B4GALT4: variants seen among roughly 807,000 people sequenced by gnomAD.
The protein encoded by B4GALT4 is N-acetyllactosamine synthase.
Under a neutral mutation model 37.3 loss-of-function variants are expected in B4GALT4, and 27 were observed. The observed-to-expected ratio is 0.72, with a 90% confidence interval of 0.53 to 1.00. B4GALT4 has a LOEUF of 1.00. B4GALT4 is among the 50% of genes least tolerant of loss of function. The pLI is 0.00. For missense variants in B4GALT4, 372 were observed against 413.1 expected, an observed-to-expected ratio of 0.90 and a Z score of 0.86; for synonymous variants, 148 against 154.1, an observed-to-expected ratio of 0.96 and a Z score of 0.29.
Position 119,212,694 on chromosome 3 carries a change from A to G in B4GALT4, c.903-13T>C, listed in dbSNP as rs72655937. 32,442 of 1,577,382 alleles carry G rather than the reference A, an allele frequency of 0.021. 378 individuals are homozygous for G. Among genetic ancestry groups the G allele is most frequent in the Non-Finnish European group, 0.023 (27,317 of 1,167,208 alleles). ...TAAGAGCTTCATCCTAAAGATAAAA[A>G]GAACAAATGTGAATGATAAGAATTT... On this transcript the variant is annotated splice_polypyrimidine_tract_variant and intron_variant, in intron 7 of 7. Coordinates refer to ENST00000393765, the MANE Select transcript of B4GALT4 (RefSeq NM_003778.4).
At chr3:119,227,265 A>G (rs2078651580) in intron 3 of B4GALT4, among the ~76,000 whole-genome samples, 1 of 152,214 alleles carries the variant, frequency 6.6e-6, no homozygotes, top group South Asian at 2.1e-4. Flanking sequence ...GATATATAAT[A>G]TAAGCATTTC....
At chr3:119,213,851 CAT>C (rs1408226252) in intron 7 of B4GALT4, 2 of 152,054 alleles carry the variant, frequency 1.3e-5, no homozygotes, top group South Asian at 2.1e-4. Context: ...ACTAGAAAAA[CAT>C]AGAAAATAGA....
At position 119,219,168 on chromosome 3, in the gene B4GALT4, C is replaced by T. The variant is rs372868128; in HGVS notation, c.675-396G>A. On this transcript the variant is annotated intron_variant, in intron 5 of 7. Transcript: ENST00000393765. ...TCTGAGGCTGCATCCGGGTTCAGCACGAATGCGTGTCATGATGAATATACC... is the reference window on the plus strand; with the variant it reads ...TCTGAGGCTGCATCCGGGTTCAGCATGAATGCGTGTCATGATGAATATACC... 4.6e-5 allele frequency among the ~76,000 whole-genome samples: 7 copies of T among 152,286 alleles called. No homozygotes were observed. In the East Asian group the frequency reaches 7.7e-4, roughly 17 times the overall value.
At chr3:119,212,923 G>GCCC (rs1161249256) in intron 7 of B4GALT4, 5 of 433,882 alleles carry the variant, frequency 1.2e-5, no homozygotes, top group Non-Finnish European at 2.0e-5. Flanking sequence ...CACTCAGTGA[G>GCCC]CCCCCAGTCT....
intron 2 of B4GALT4, among the ~76,000 whole-genome samples, chr3:119,232,173 G>A (rs2078844855): frequency 6.6e-6 from 1 of 152,088 alleles, no homozygotes; most frequent in African/African-American, 2.4e-5. Flanking sequence ...GTTTGACCCA[G>A]GAAGCAATTA....
chr3:119,222,074 C>CA (rs2078466836), intron 5 of B4GALT4, among the ~76,000 whole-genome samples: 1 of 152,060 alleles, frequency 6.6e-6, no homozygotes, highest in African/African-American at 2.4e-5. Flanking sequence ...AGAATCCCAG[C>CA]AAAAAACCTG....
At chr3:119,215,321 A>G (rs2107458935) in intron 7 of B4GALT4, 1 of 152,394 alleles carries the variant, frequency 6.6e-6, no homozygotes, top group Admixed American at 6.5e-5. Context: ...GACCCTGAAC[A>G]TCAGACTCCA....
intron 2 of B4GALT4, among the ~76,000 whole-genome samples, chr3:119,234,067 A>T (rs1276440106): frequency 6.6e-6 from 1 of 152,180 alleles, no homozygotes; most frequent in Non-Finnish European, 1.5e-5. Context: ...ATTTAATGAG[A>T]TGATGCACCC....
chr3:119,221,626 T>C (rs1209814063), intron 5 of B4GALT4, among the ~76,000 whole-genome samples: 2 of 152,064 alleles, frequency 1.3e-5, no homozygotes, highest in Non-Finnish European at 2.9e-5. Context: ...ACATGATACA[T>C]ACAAAAAAGA....
intron 2 of B4GALT4, among the ~76,000 whole-genome samples, chr3:119,231,162 T>G (rs1244557949): frequency 6.6e-6 from 1 of 152,204 alleles, no homozygotes; most frequent in Non-Finnish European, 1.5e-5. Context: ...TCTGATTTCA[T>G]ACTTCAGTAG....
Position 119,226,926 on chromosome 3 carries a change from C to T in B4GALT4, c.369G>A (p.Arg123=), listed in dbSNP as rs774680357. ...YRPQECKALQ[R]VAILVPHRNR... ...TCCGGTGGGGAACGAGGATGGCGACCCTCTGTAAAGCTTTACATTCCTGAG... is the reference window on the plus strand; with the variant it reads ...TCCGGTGGGGAACGAGGATGGCGACTCTCTGTAAAGCTTTACATTCCTGAG... The change falls in exon 4 of 8, where the codon AGG becomes AGA. Residue 123 remains arginine, a synonymous_variant. Coordinates refer to ENST00000393765, the MANE Select transcript of B4GALT4 (RefSeq NM_003778.4). 1 of 1,614,052 alleles carries T rather than the reference C, an allele frequency of 6.2e-7. No homozygotes were observed. The highest frequency in any genetic ancestry group is 1.7e-5 in the Admixed American group (1 of 60,012).
chr3:119,212,613 A>G lies in B4GALT4; in HGVS notation c.971T>C (p.Leu324Ser), dbSNP rs2078188772. The G allele has an allele frequency of 1.2e-6, 2 of 1,613,226 alleles. No homozygotes were observed. The highest frequency in any genetic ancestry group is 1.1e-5 in the South Asian group (1 of 90,826). ...TDGLSSCSYK[L>S]VSVEHNPLYI... ...TAAAGGATTGTGTTCCACAGATACT[A>G]ATTTATAAGAACAACTACTCAACCC... is the stretch of plus-strand genomic sequence containing the variant. The change falls in exon 8 of 8, where the codon TTA becomes TCA. Residue 324 changes from leucine (L) to serine (S), a missense_variant. Physicochemically the swap from Leu to Ser is moderately radical, Grantham distance 145. Coordinates refer to ENST00000393765, the MANE Select transcript of B4GALT4 (RefSeq NM_003778.4).
chr3:119,237,332 G>C (rs975997561), intron 1 of B4GALT4, among the ~76,000 whole-genome samples: 1 of 152,194 alleles, frequency 6.6e-6, no homozygotes, highest in Non-Finnish European at 1.5e-5. Context: ...AAGTCACAAA[G>C]AGCTGAGTTC....
chr3:119,234,202 C>T (rs1040124052), intron 2 of B4GALT4, among the ~76,000 whole-genome samples: 4 of 152,146 alleles, frequency 2.6e-5, no homozygotes, highest in Non-Finnish European at 5.9e-5. Context: ...ACTGCAACCT[C>T]CGCCTCCCAG....
intron 5 of B4GALT4, 40 bp downstream of exon 5, chr3:119,224,017 GA>G: frequency 6.4e-7 from 1 of 1,555,966 alleles, no homozygotes; most frequent in Non-Finnish European, 8.7e-7. Context: ...CACAATAGTT[GA>G]GCTTCTCGAC....
At chr3:119,231,167 C>T (rs541138784) in intron 2 of B4GALT4, among the ~76,000 whole-genome samples, 9 of 152,256 alleles carry the variant, frequency 5.9e-5, no homozygotes, top group African/African-American at 2.2e-4. Context: ...TTTCATACTT[C>T]AGTAGCATGA....
chr3:119,222,423 C>CGGGG (rs5852194), intron 5 of B4GALT4, among the ~76,000 whole-genome samples: 56,045 of 151,930 alleles, frequency 0.37, 11,100 homozygotes, highest in Non-Finnish European at 0.42. Context: ...CCCTCTGGAT[C>CGGGG]CACAGCCCCC....
At position 119,212,220 on chromosome 3, in the gene B4GALT4, T is replaced by C. The variant is rs558233183; in HGVS notation, c.*329A>G. 1.4e-6 allele frequency: 1 copy of C among 702,970 alleles called. No homozygotes were observed. Among genetic ancestry groups the C allele is most frequent in the Non-Finnish European group, 2.6e-6 (1 of 385,010 alleles). 43.5% of individuals were successfully genotyped at this position (702,970 alleles called of 1,614,324 possible). A position where few individuals can be genotyped will look rare whatever the true frequency, so the allele number is the denominator to read the frequency against. On this transcript the variant is annotated 3_prime_UTR_variant, in exon 8 of 8. Coordinates refer to ENST00000393765, the MANE Select transcript of B4GALT4 (RefSeq NM_003778.4). ...TGTGGCCTTTTATCCCATAATATAT[T>C]ACTTCAAATTTAAATAAATCTCCTT... is the stretch of plus-strand genomic sequence containing the variant.
chr3:119,224,860 T>C (rs1334225415), intron 4 of B4GALT4, among the ~76,000 whole-genome samples: 2 of 152,220 alleles, frequency 1.3e-5, no homozygotes, highest in African/African-American at 4.8e-5. Flanking sequence ...CTCTTAAAAT[T>C]TTACAAATAC....
Sources: allele counts gnomAD v4.1 joint callset (sites outside exome capture counted in the v4.1 genomes callset), GRCh38; gene constraint gnomAD v4.1.1; transcripts MANE v1.5; gene names NCBI Gene and HGNC (gene_info 2026-07-23, HGNC 2026-07-21).